Variants in CLUAP1 observed in about 807,000 individuals in gnomAD.
CLUAP1 encodes the protein intraflagellar transport 38.
Under a neutral mutation model 55.0 loss-of-function variants are expected in CLUAP1, and 50 were observed. The observed-to-expected ratio is 0.91, with a 90% confidence interval of 0.72 to 1.15. The LOEUF (loss-of-function observed/expected upper bound fraction) is 1.15. Among genes scored for constraint, CLUAP1 ranks in the 50% most tolerant of loss-of-function variants. The pLI is 0.00. For missense variants in CLUAP1, 530 were observed against 507.6 expected (o/e 1.04, Z -0.42); for synonymous variants, 195 against 175.4 (o/e 1.11, Z -0.88).
intron 3 of CLUAP1, 125 bp downstream of exon 3, chr16:3,506,540 A>T: frequency 1.2e-5 from 9 of 757,250 alleles, no homozygotes; most frequent in Non-Finnish European, 2.0e-5. Flanking sequence ...ATGGAGTCTC[A>T]TTCTCTCGCC....
intron 6 of CLUAP1, 43 bp from the exon 7 acceptor site, chr16:3,519,860 G>A (rs370841463): frequency 1.3e-6 from 2 of 1,543,952 alleles, no homozygotes; most frequent in Admixed American, 2.2e-5. Context: ...TAGGATGGCT[G>A]TTTTTATTGC....
intron 3 of CLUAP1, among the ~76,000 whole-genome samples, chr16:3,506,684 G>T (rs2037513418): frequency 2.0e-5 from 3 of 151,872 alleles, no homozygotes; most frequent in Admixed American, 2.0e-4. Context: ...TGCATTTTTA[G>T]TAGAGACTGG....
At chr16:3,513,303 C>G (rs2037668294) in intron 5 of CLUAP1, among the ~76,000 whole-genome samples, 1 of 152,198 alleles carries the variant, frequency 6.6e-6, no homozygotes, top group African/African-American at 2.4e-5. Flanking sequence ...ATCTTGGCAT[C>G]ACTTCCAGTC....
At chr16:3,534,360 A>G in intron 11 of CLUAP1, 1 of 153,198 alleles carries the variant, frequency 6.5e-6, no homozygotes, top group Non-Finnish European at 1.5e-5. Flanking sequence ...GGCATGTGGA[A>G]TGCACTCCTC....
chr16:3,514,689 C>T (rs2037697288), intron 5 of CLUAP1, among the ~76,000 whole-genome samples: 1 of 152,200 alleles, frequency 6.6e-6, no homozygotes, highest in Admixed American at 6.5e-5. Context: ...AGGGCTTGTT[C>T]CCCACAGATG....
chr16:3,529,757 A>ATTATATAATATATATTATATTATAAT (rs2038063461), intron 9 of CLUAP1, among the ~76,000 whole-genome samples: 1 of 29,320 alleles, frequency 3.4e-5, no homozygotes, highest in Non-Finnish European at 5.4e-5. Flanking sequence ...TATATTATAT[A>ATTATATAATATATATTATATTATAAT]ATATATATTA....
intron 8 of CLUAP1, 62 bp downstream of exon 8, chr16:3,523,361 C>T: frequency 6.6e-7 from 1 of 1,512,904 alleles, no homozygotes; most frequent in Middle Eastern, 1.8e-4. Context: ...TACTGGGTGA[C>T]AGGTCATTTT....
chr16:3,527,270 T>C (rs1169452035), intron 9 of CLUAP1, among the ~76,000 whole-genome samples: 1 of 152,174 alleles, frequency 6.6e-6, no homozygotes, highest in African/African-American at 2.4e-5. Flanking sequence ...TTACTCTTTA[T>C]TCCAATATCA....
Position 3,523,277 on chromosome 16 carries a change from G to C in CLUAP1, c.833G>C (p.Arg278Thr), listed in dbSNP as rs2037875842. 6.2e-7 allele frequency: 1 copy of C among 1,612,768 alleles called. No homozygotes were observed. The highest frequency in any genetic ancestry group is 1.1e-5 in the South Asian group (1 of 90,780). Reference sequence around the variant, plus strand: ...GAACAACAGCTTGAAGACCATCATAGGATGGAGCAAGAAAGGTTTGAGGTG... The same window carrying C: ...GAACAACAGCTTGAAGACCATCATACGATGGAGCAAGAAAGGTTTGAGGTG... ...YLEQQLEDHHRMEQERFEEAK... is the reference protein window; with the variant it reads ...YLEQQLEDHHTMEQERFEEAK... Residue 278 changes from arginine to threonine, a missense_variant, in exon 8 of 12, where the codon AGG becomes ACG. Arg to Thr is a moderately conservative substitution (Grantham distance 71). Coordinates refer to ENST00000576634, the MANE Select transcript of CLUAP1 (RefSeq NM_015041.3).
intron 6 of CLUAP1, 91 bp downstream of exon 6, chr16:3,515,682 T>C (rs983806013): frequency 1.2e-6 from 1 of 836,202 alleles, no homozygotes; most frequent in African/African-American, 1.8e-5. Context: ...CAAGCTAGGC[T>C]TAGTAACAAG....
intron 11 of CLUAP1, chr16:3,533,926 TTC>T (rs978037305): frequency 2.8e-4 from 42 of 152,406 alleles, no homozygotes; most frequent in African/African-American, 9.4e-4. Context: ...AGGGTTTGCC[TTC>T]TCTCTCCTCA....
At chr16:3,500,936 TCGCTTTTTGTTTGTCCCTGACCGTG>T, upstream of CLUAP1, 1 of 995,764 alleles carries the variant, frequency 1.0e-6, no homozygotes, top group Non-Finnish European at 1.5e-6. Flanking sequence ...CGTCTTCGCT[TCGCTTTTTGTTTGTCCCTGACCGTG>T]CGCCGTCCAA....
intron 4 of CLUAP1, among the ~76,000 whole-genome samples, chr16:3,511,449 C>T (rs144040194): frequency 6.6e-6 from 1 of 152,290 alleles, no homozygotes; most frequent in African/African-American, 2.4e-5. Context: ...AGCCCAGAAC[C>T]ATTGTAAGTC....
intron 6 of CLUAP1, among the ~76,000 whole-genome samples, chr16:3,516,973 A>G (rs1413096090): frequency 6.6e-6 from 1 of 152,180 alleles, no homozygotes; most frequent in African/African-American, 2.4e-5. Flanking sequence ...CATCAAAATA[A>G]ATAAGTTAGA....
At chr16:3,503,023 C>T (rs890624842) in intron 1 of CLUAP1, among the ~76,000 whole-genome samples, 3 of 152,116 alleles carry the variant, frequency 2.0e-5, no homozygotes, top group Admixed American at 2.0e-4. Flanking sequence ...GCTCTGTCTC[C>T]CAGGCTGGAG....
chr16:3,515,634 A>T, intron 6 of CLUAP1, 43 bp downstream of exon 6: 1 of 1,337,092 alleles, frequency 7.5e-7, no homozygotes, highest in Non-Finnish European at 1.0e-6. Flanking sequence ...TATGCCTGGG[A>T]TTCAAAAATA....
At chr16:3,499,750 A>G (rs2037352978), upstream of CLUAP1, among the ~76,000 whole-genome samples, 1 of 152,248 alleles carries the variant, frequency 6.6e-6, no homozygotes, top group Non-Finnish European at 1.5e-5. Flanking sequence ...TCTTAATAAC[A>G]CGTGAAGCAA....
intron 11 of CLUAP1, 28 bp from the exon 12 acceptor site, chr16:3,536,094 C>T (rs774351554): frequency 8.7e-6 from 14 of 1,610,724 alleles, no homozygotes; most frequent in African/African-American, 1.3e-5. Flanking sequence ...CAGGATCCCC[C>T]GTTGCATCTG....
chr16:3,505,546 CAAAA>C (rs1230388490), intron 2 of CLUAP1, among the ~76,000 whole-genome samples: 1 of 59,626 alleles, frequency 1.7e-5, no homozygotes, highest in African/African-American at 5.3e-5. Flanking sequence ...GACTCCGTCT[CAAAA>C]AAAAAAAAAA....
Sources: gnomAD v4.1 joint callset for allele counts (sites outside exome capture counted in the v4.1 genomes callset) on GRCh38, gnomAD v4.1.1 for gene constraint, MANE v1.5 for transcripts, NCBI Gene and HGNC (gene_info 2026-07-23, HGNC 2026-07-21) for gene names.